The following DYM variants were observed in gnomAD, a reference collection of about 807,000 sequenced individuals.
The protein encoded by DYM is dyggve-Melchior-Clausen syndrome protein.
Under a neutral mutation model 93.1 loss-of-function variants are expected in DYM, and 78 were observed. The observed-to-expected ratio is 0.84, with a 90% CI of 0.70 to 1.01. The LOEUF is 1.01. Among genes scored for constraint, DYM ranks in the 50% least tolerant of loss-of-function variants. DYM has a pLI of 0.00. For synonymous variants in DYM, 321 were observed against 319.7 expected (o/e 1.00, Z -0.04); for missense variants, 789 against 845.0 (o/e 0.93, Z 0.82).
At chr18:49,307,163 T>C (rs944373787) in intron 8 of DYM, among the ~76,000 whole-genome samples, 2 of 152,094 alleles carry the variant, frequency 1.3e-5, no homozygotes, top group Non-Finnish European at 2.9e-5. Context: ...ATCTACTATA[T>C]GTTATATCGT....
intron 11 of DYM, among the ~76,000 whole-genome samples, chr18:49,261,350 ATAT>A (rs2094487254): frequency 6.6e-6 from 1 of 152,232 alleles, no homozygotes; most frequent in Non-Finnish European, 1.5e-5. Context: ...TGGTGGTTAA[ATAT>A]TATTTAGAAT....
chr18:49,089,727 A>G (rs939644221), intron 17 of DYM, among the ~76,000 whole-genome samples: 10 of 152,242 alleles, frequency 6.6e-5, no homozygotes, highest in African/African-American at 2.4e-4. Context: ...AGAGTGCTCC[A>G]GGTGACTGTT....
At chr18:49,166,127 C>T (rs1444440901) in intron 14 of DYM, among the ~76,000 whole-genome samples, 2 of 152,122 alleles carry the variant, frequency 1.3e-5, no homozygotes, top group African/African-American at 4.8e-5. Context: ...TTCCACTCAT[C>T]GTTATTCTCA....
At chr18:49,138,777 G>A (rs2144338733) in intron 15 of DYM, among the ~76,000 whole-genome samples, 1 of 152,266 alleles carries the variant, frequency 6.6e-6, no homozygotes, top group East Asian at 1.9e-4. Flanking sequence ...GCAGAGAAAA[G>A]GGAGGATAGG....
At chr18:49,074,253 C>A (rs1191996397) in intron 17 of DYM, among the ~76,000 whole-genome samples, 2 of 152,140 alleles carry the variant, frequency 1.3e-5, no homozygotes, top group Non-Finnish European at 2.9e-5. Context: ...ACTGTTTTTT[C>A]TTGCCATTAT....
intron 17 of DYM, among the ~76,000 whole-genome samples, chr18:49,082,789 T>A (rs1346603765): frequency 6.6e-6 from 1 of 152,232 alleles, no homozygotes; most frequent in East Asian, 1.9e-4. Flanking sequence ...GATTTCTTTA[T>A]CTTGTTGTAT....
intron 3 of DYM, among the ~76,000 whole-genome samples, chr18:49,387,279 CGTTT>C (rs1164786874): frequency 2.0e-5 from 3 of 151,454 alleles, no homozygotes; most frequent in Non-Finnish European, 4.4e-5. Context: ...TCAGTGATCT[CGTTT>C]GTTTGTTTTT....
At chr18:49,452,139 G>A (rs556814447) in intron 1 of DYM, among the ~76,000 whole-genome samples, 12 of 152,274 alleles carry the variant, frequency 7.9e-5, no homozygotes, top group East Asian at 5.8e-4. Context: ...TCTTCAAGGC[G>A]GCATGTCCAG....
At chr18:49,212,518 G>A (rs1458624155) in intron 13 of DYM, among the ~76,000 whole-genome samples, 1 of 145,974 alleles carries the variant, frequency 6.9e-6, no homozygotes, top group African/African-American at 2.5e-5. Context: ...TTTTTTTTTT[G>A]AGACAGTCTC....
At chr18:49,320,947 T>A (rs894444099) in intron 8 of DYM, among the ~76,000 whole-genome samples, 6 of 152,356 alleles carry the variant, frequency 3.9e-5, no homozygotes, top group Admixed American at 2.0e-4. Context: ...GTGAGTAACC[T>A]TGAATAAATT....
chr18:49,085,757 G>C (rs1299913637), intron 17 of DYM, among the ~76,000 whole-genome samples: 1 of 151,916 alleles, frequency 6.6e-6, no homozygotes, highest in Non-Finnish European at 1.5e-5. Context: ...ATAGGCACCT[G>C]CCACCGCGCC....
At chr18:49,238,282 T>C (rs1471669735) in intron 13 of DYM, among the ~76,000 whole-genome samples, 1 of 152,204 alleles carries the variant, frequency 6.6e-6, no homozygotes, top group African/African-American at 2.4e-5. Context: ...CATTTTAAGC[T>C]ATATTTAAGA....
intron 15 of DYM, among the ~76,000 whole-genome samples, chr18:49,136,827 C>T (rs973064796): frequency 2.0e-5 from 3 of 152,158 alleles, no homozygotes; most frequent in Non-Finnish European, 4.4e-5. Flanking sequence ...GTGATCCCTA[C>T]CCAACTCCCT....
chr18:49,122,233 G>A (rs886248485), intron 15 of DYM, among the ~76,000 whole-genome samples: 3 of 152,156 alleles, frequency 2.0e-5, no homozygotes, highest in Non-Finnish European at 4.4e-5. Context: ...TGAAAAGGCT[G>A]TATTTGTAAA....
At chr18:49,292,355 G>GACAGACAGACAC (rs769423170) in intron 8 of DYM, among the ~76,000 whole-genome samples, 34 of 84,744 alleles carry the variant, frequency 4.0e-4, no homozygotes, top group African/African-American at 1.2e-3. Flanking sequence ...CAGACAGACA[G>GACAGACAGACAC]ACACACACAC....
chr18:49,140,513 A>T (rs1005221725), intron 15 of DYM, among the ~76,000 whole-genome samples: 9 of 152,164 alleles, frequency 5.9e-5, no homozygotes, highest in African/African-American at 2.2e-4. Context: ...TGACTTTAGT[A>T]TTTTTCACTT....
At chr18:49,271,827 C>A (rs891818804) in intron 11 of DYM, among the ~76,000 whole-genome samples, 1 of 151,898 alleles carries the variant, frequency 6.6e-6, no homozygotes, top group Non-Finnish European at 1.5e-5. Flanking sequence ...CCATTTTGGT[C>A]CCTTTTTCTT....
In DYM at chr18:49,145,005, CGGGAGTATTGCTTGAGCTCA is replaced by C. The variant is rs372620798; in HGVS notation, c.1728+18660_1728+18679del. Among the ~76,000 whole-genome samples the C allele has an allele frequency of 8.6e-3, 1,293 of 149,580 alleles. 8 individuals carry two copies. Among genetic ancestry groups the C allele is most frequent in the Non-Finnish European group, 0.013 (845 of 67,406 alleles). ...GTCCCAGCTACTCGAAAGGCTGAGG[CGGGAGTATTGCTTGAGCTCA>C]GGGGTTCAAGGCTGCAGTGAACTAT... is the stretch of plus-strand genomic sequence containing the variant. On this transcript the variant is annotated intron_variant, in intron 15 of 17. Coordinates refer to ENST00000675505, the MANE Select transcript of DYM (RefSeq NM_001353214.3).
rs1363123302 is a variant in DYM at position 49,040,499 on chromosome 18, C to T, written c.*3556G>A. Among the ~76,000 whole-genome samples, 3 of 152,214 alleles carry T rather than the reference C, an allele frequency of 2.0e-5. No individual in the cohort carries two copies. Among genetic ancestry groups the T allele is most frequent in the South Asian group, 2.1e-4 (1 of 4,828 alleles). The stretch of plus-strand genomic sequence containing the variant: ...GCTGTGGATTGTGTGTTATAATCTA[C>T]TTCTCAGTTCTTCATATGCATAGCT... On this transcript the variant is annotated 3_prime_UTR_variant, in exon 18 of 18. Coordinates refer to ENST00000675505, the MANE Select transcript of DYM (RefSeq NM_001353214.3).
Sources: gnomAD v4.1 joint callset for allele counts (sites outside exome capture counted in the v4.1 genomes callset) on GRCh38, gnomAD v4.1.1 for gene constraint, MANE v1.5 for transcripts, NCBI Gene and HGNC (gene_info 2026-07-23, HGNC 2026-07-21) for gene names.